PDPR: variants seen among roughly 807,000 people sequenced by gnomAD.
The protein encoded by PDPR is pyruvate dehydrogenase phosphatase regulatory subunit, mitochondrial.
Under a neutral mutation model 102.2 loss-of-function variants are expected in PDPR, and 50 were observed. That is an observed-to-expected ratio of 0.49 (90% CI 0.39 to 0.62). The LOEUF (loss-of-function observed/expected upper bound fraction) is 0.62. PDPR is among the 20% of genes least tolerant of loss of function. The pLI, the probability that PDPR is intolerant of heterozygous loss-of-function variation, is 0.00. For missense variants in PDPR, 625 were observed against 1,098.2 expected, an observed-to-expected ratio of 0.57 and a Z score of 6.09; for synonymous variants, 259 against 406.0, an observed-to-expected ratio of 0.64 and a Z score of 4.35.
chr16:70,141,984 C>T (rs1368789708), intron 11 of PDPR, among the ~76,000 whole-genome samples: 1 of 152,380 alleles, frequency 6.6e-6, no homozygotes, highest in South Asian at 2.1e-4. Context: ...CCTGTAATCC[C>T]AGCTACTCGG....
chr16:70,131,887 C>T (rs1208074774), intron 8 of PDPR: 9 of 1,453,120 alleles, frequency 6.2e-6, no homozygotes, highest in Admixed American at 2.1e-5. Flanking sequence ...ACGTGGTTTG[C>T]TTGTGGGGAC....
At chr16:70,116,678 C>G (rs937236430) in intron 2 of PDPR, among the ~76,000 whole-genome samples, 4 of 151,374 alleles carry the variant, frequency 2.6e-5, no homozygotes, top group African/African-American at 9.7e-5. Flanking sequence ...GTACCTGGGA[C>G]CACAGGTGCG....
rs1055622733 is a variant in PDPR at position 70,116,542 on chromosome 16, A to G, written c.-33+1612A>G. The stretch of plus-strand genomic sequence containing the variant: ...GGCAACATAGTGAGCCCCTCTCTAC[A>G]AAAAAAAAAAAAAAATTAAAAAAAT... On this transcript the variant is annotated intron_variant, in intron 2 of 18. Transcript: ENST00000288050. Among the ~76,000 whole-genome samples the G allele has an allele frequency of 1.9e-4, 26 of 134,712 alleles. 1 individual carries two copies. Among genetic ancestry groups the G allele is most frequent in the South Asian group, 4.5e-4 (2 of 4,426 alleles). The allele number at this position is 134,712 out of a possible 152,430, so 88.4% of individuals were successfully genotyped here. A position where few individuals can be genotyped will look rare whatever the true frequency, so the allele number is the denominator to read the frequency against.
At chr16:70,123,464 C>T (rs1290934124) in intron 3 of PDPR, among the ~76,000 whole-genome samples, 22 of 152,374 alleles carry the variant, frequency 1.4e-4, no homozygotes, top group African/African-American at 5.0e-4. Context: ...CCTCAAACTC[C>T]TGGGCTCAAG....
At chr16:70,134,089 G>A (rs532223749) in intron 9 of PDPR, among the ~76,000 whole-genome samples, 76 of 152,320 alleles carry the variant, frequency 5.0e-4, no homozygotes, top group African/African-American at 1.8e-3. Context: ...TTTAGGAGGA[G>A]ACTTCTTTCA....
intron 13 of PDPR, among the ~76,000 whole-genome samples, chr16:70,143,187 C>CA (rs375737516): frequency 0.18 from 23,975 of 134,622 alleles, 110 homozygotes; most frequent in African/African-American, 0.24. Flanking sequence ...GACTCCATCT[C>CA]AAAAAAAAAA....
chr16:70,132,953 C>T (rs543365880), intron 9 of PDPR, among the ~76,000 whole-genome samples: 62 of 152,300 alleles, frequency 4.1e-4, no homozygotes, highest in African/African-American at 1.2e-3. Context: ...GCTGGGATTA[C>T]AGGTGCTTGC....
intron 3 of PDPR, among the ~76,000 whole-genome samples, chr16:70,121,104 G>C (rs150295583): frequency 6.8e-4 from 103 of 151,996 alleles, no homozygotes; most frequent in African/African-American, 2.3e-3. Context: ...TTTAGACTTT[G>C]ACAAAAATTT....
chr16:70,141,294 C>T (rs1369441528), intron 11 of PDPR, among the ~76,000 whole-genome samples: 1 of 152,248 alleles, frequency 6.6e-6, no homozygotes, highest in African/African-American at 2.4e-5. Flanking sequence ...CCTCGTGATC[C>T]GCCCACCTCG....
chr16:70,149,418 A>G (rs1034641789), intron 17 of PDPR, among the ~76,000 whole-genome samples: 3 of 152,198 alleles, frequency 2.0e-5, no homozygotes, highest in Non-Finnish European at 4.4e-5. Flanking sequence ...GGTGCACGCC[A>G]CCACGCCTGG....
At chr16:70,123,315 C>T (rs1217011090) in intron 3 of PDPR, among the ~76,000 whole-genome samples, 1 of 152,282 alleles carries the variant, frequency 6.6e-6, no homozygotes. Flanking sequence ...CAGCTCACTA[C>T]AACCTCTGCC....
At chr16:70,127,909 C>T (rs77418451) in intron 4 of PDPR, among the ~76,000 whole-genome samples, 1,003 of 144,048 alleles carry the variant, frequency 7.0e-3, no homozygotes, top group East Asian at 0.011. Context: ...GGGACTGCAC[C>T]GCAGGCAGTC....
intron 18 of PDPR, among the ~76,000 whole-genome samples, chr16:70,154,782 G>A (rs1025276835): frequency 9.8e-5 from 15 of 152,354 alleles, no homozygotes; most frequent in African/African-American, 3.1e-4. Context: ...TGGGACCACA[G>A]ATGCACAACC....
chr16:70,149,962 T>C (rs1248198245), intron 17 of PDPR, among the ~76,000 whole-genome samples: 1 of 151,922 alleles, frequency 6.6e-6, no homozygotes, highest in African/African-American at 2.4e-5. Context: ...GGCTAATTTT[T>C]TGTATTTTTC....
In PDPR at chr16:70,157,192, T is replaced by G. The variant is rs577441768; in HGVS notation, c.*313T>G. 1.7e-6 allele frequency: 1 copy of G among 597,058 alleles called. No individual in the cohort carries two copies. The highest frequency in any genetic ancestry group is 1.5e-5 in the South Asian group (1 of 65,716). 37.0% of individuals were successfully genotyped at this position (597,058 alleles called of 1,614,324 possible). ...GCTCCACTGTGGACATGAGTGATGG[T>G]GACAGCTGCTTTCAAATTCTGCATC... On this transcript the variant is annotated 3_prime_UTR_variant, in exon 19 of 19. Coordinates refer to ENST00000288050, the MANE Select transcript of PDPR (RefSeq NM_017990.5).
At chr16:70,139,116 CT>C in intron 11 of PDPR, 93 bp downstream of exon 11, 4 of 1,508,878 alleles carry the variant, frequency 2.7e-6, no homozygotes, top group Non-Finnish European at 3.6e-6. Flanking sequence ...TTCCTCAGTT[CT>C]TTAACAAGTG....
intron 16 of PDPR, among the ~76,000 whole-genome samples, chr16:70,146,951 T>TTTATTTATTTA: frequency 1.6e-5 from 1 of 61,840 alleles, no homozygotes; most frequent in Non-Finnish European, 3.1e-5. Flanking sequence ...TTATTTATTT[T>TTTATTTATTTA]GAGACAGAGT....
chr16:70,152,339 C>T (rs1051046646), intron 17 of PDPR, among the ~76,000 whole-genome samples: 2 of 152,254 alleles, frequency 1.3e-5, no homozygotes, highest in African/African-American at 2.4e-5. Context: ...GTCAACATGG[C>T]GAAACCTCGT....
chr16:70,139,502 C>T (rs549199295), intron 11 of PDPR, among the ~76,000 whole-genome samples: 2 of 152,372 alleles, frequency 1.3e-5, no homozygotes, highest in African/African-American at 4.8e-5. Context: ...TTCAGGCTTC[C>T]GTGAGTGACT....
Sources: allele counts gnomAD v4.1 joint callset (sites outside exome capture counted in the v4.1 genomes callset), GRCh38; gene constraint gnomAD v4.1.1; transcripts MANE v1.5; gene names NCBI Gene and HGNC (gene_info 2026-07-23, HGNC 2026-07-21).